The following NRXN3 variants were observed in gnomAD, a reference collection of about 807,000 sequenced individuals.
The protein encoded by NRXN3 is neurexin 3, also known as neurexin III.
Under a neutral mutation model 137.6 loss-of-function variants are expected in NRXN3, and 32 were observed. The ratio of observed to expected loss-of-function variants is 0.23; its 90% confidence interval spans 0.18 to 0.31. The LOEUF is 0.31. Among genes scored for constraint, NRXN3 ranks in the 10% least tolerant of loss-of-function variants. The pLI, the probability that NRXN3 is intolerant of heterozygous loss-of-function variation, is 1.00. For missense variants in NRXN3, 1,574 were observed against 2,062.5 expected, an observed-to-expected ratio of 0.76 and a Z score of 4.59; for synonymous variants, 798 against 784.5, an observed-to-expected ratio of 1.02 and a Z score of -0.29.
At chr14:78,738,030 C>A (rs979738805) in intron 8 of NRXN3, among the ~76,000 whole-genome samples, 12 of 152,102 alleles carry the variant, frequency 7.9e-5, no homozygotes, top group African/African-American at 2.9e-4. Context: ...TAATGGATTT[C>A]TTGATTTTAA....
At chr14:79,353,223 G>A (rs1286910316) in intron 15 of NRXN3, among the ~76,000 whole-genome samples, 1 of 151,764 alleles carries the variant, frequency 6.6e-6, no homozygotes, top group East Asian at 1.9e-4. Flanking sequence ...TTCCTAGCAG[G>A]TTAAGCACTT....
intron 19 of NRXN3, among the ~76,000 whole-genome samples, chr14:79,721,392 G>A (rs2098843936): frequency 6.6e-6 from 1 of 152,042 alleles, no homozygotes; most frequent in South Asian, 2.1e-4. Context: ...GAGGTACAAT[G>A]TTATTTTCAT....
chr14:78,442,384 A>G (rs1035597253), intron 4 of NRXN3, among the ~76,000 whole-genome samples: 2 of 152,208 alleles, frequency 1.3e-5, no homozygotes, highest in Non-Finnish European at 2.9e-5. Context: ...CCACAGGCCA[A>G]GGAATTCTGG....
At chr14:79,291,548 G>A (rs908774661) in intron 15 of NRXN3, among the ~76,000 whole-genome samples, 3 of 150,512 alleles carry the variant, frequency 2.0e-5, no homozygotes, top group East Asian at 4.0e-4. Flanking sequence ...AGGCAGACTC[G>A]GAGGCATGGA....
intron 8 of NRXN3, among the ~76,000 whole-genome samples, chr14:78,792,046 TAA>T (rs1484416387): frequency 6.7e-6 from 1 of 148,886 alleles, no homozygotes; most frequent in Non-Finnish European, 1.5e-5. Flanking sequence ...AACAGAACAA[TAA>T]AGTTAAAAAA....
chr14:78,993,694 A>G (rs2099523541), intron 15 of NRXN3, among the ~76,000 whole-genome samples: 1 of 152,180 alleles, frequency 6.6e-6, no homozygotes, highest in African/African-American at 2.4e-5. Flanking sequence ...GGAAAGACAC[A>G]TATGAAGGTG....
intron 16 of NRXN3, among the ~76,000 whole-genome samples, chr14:79,596,735 G>A (rs1044105686): frequency 2.0e-5 from 3 of 152,104 alleles, no homozygotes; most frequent in African/African-American, 4.8e-5. Flanking sequence ...CCTGTCTCTG[G>A]TCGGGGAGGG....
At chr14:79,299,147 G>C (rs1427938416) in intron 15 of NRXN3, among the ~76,000 whole-genome samples, 2 of 152,142 alleles carry the variant, frequency 1.3e-5, no homozygotes, top group Non-Finnish European at 2.9e-5. Flanking sequence ...TTTTAAGCCA[G>C]GGATTTACAA....
At chr14:78,365,793 T>C (rs1467271760) in intron 4 of NRXN3, among the ~76,000 whole-genome samples, 1 of 152,254 alleles carries the variant, frequency 6.6e-6, no homozygotes, top group Non-Finnish European at 1.5e-5. Context: ...ATCTATTATA[T>C]GCCAGGCACT....
intron 4 of NRXN3, among the ~76,000 whole-genome samples, chr14:78,360,054 A>G (rs1206590900): frequency 6.6e-6 from 1 of 152,138 alleles, no homozygotes; most frequent in African/African-American, 2.4e-5. Flanking sequence ...CACCAACTCC[A>G]TGTCGTCATA....
chr14:78,516,292 G>T (rs1398670012), intron 4 of NRXN3, among the ~76,000 whole-genome samples: 1 of 149,612 alleles, frequency 6.7e-6, no homozygotes, highest in Non-Finnish European at 1.5e-5. Flanking sequence ...TTTACCCCAG[G>T]TCTACCCCAT....
At chr14:79,687,245 CA>C (rs1467732199) in intron 17 of NRXN3, among the ~76,000 whole-genome samples, 3 of 152,142 alleles carry the variant, frequency 2.0e-5, no homozygotes, top group African/African-American at 7.2e-5. Flanking sequence ...TACAAGTGGC[CA>C]AACATTCTAG....
chr14:79,127,283 T>A (rs1488278633), intron 15 of NRXN3, among the ~76,000 whole-genome samples: 1 of 152,202 alleles, frequency 6.6e-6, no homozygotes, highest in Admixed American at 6.5e-5. Context: ...TACCTAGGTT[T>A]TCTTCTAGGG....
chr14:78,173,231 TTCTC>T (rs1258414991), intron 1 of NRXN3, among the ~76,000 whole-genome samples: 2 of 152,034 alleles, frequency 1.3e-5, no homozygotes, highest in Non-Finnish European at 2.9e-5. Flanking sequence ...GCACCCCCCT[TTCTC>T]TCGCTCCTGG....
intron 16 of NRXN3, among the ~76,000 whole-genome samples, chr14:79,600,544 AG>A (rs891326869): frequency 1.3e-5 from 2 of 152,216 alleles, no homozygotes; most frequent in East Asian, 3.8e-4. Flanking sequence ...CCTGGTTAAG[AG>A]GCAATAGAAA....
intron 15 of NRXN3, among the ~76,000 whole-genome samples, chr14:79,020,295 C>T (rs934921572): frequency 6.4e-5 from 9 of 140,034 alleles, no homozygotes; most frequent in Non-Finnish European, 9.3e-5. Flanking sequence ...GATGGATTTC[C>T]GCTCTTGTTG....
At chr14:79,676,219 G>A (rs545424915) in intron 17 of NRXN3, among the ~76,000 whole-genome samples, 13 of 152,042 alleles carry the variant, frequency 8.6e-5, no homozygotes, top group African/African-American at 3.1e-4. Context: ...TCATGCTATT[G>A]AGTTTTAGAG....
chr14:78,748,935 A>G (rs906705738), intron 8 of NRXN3, among the ~76,000 whole-genome samples: 1 of 152,246 alleles, frequency 6.6e-6, no homozygotes, highest in East Asian at 1.9e-4. Context: ...ACATCCGTGT[A>G]CAGCCTACTC....
Position 79,001,568 on chromosome 14 carries a change from C to A in NRXN3, c.3262+13427C>A, listed in dbSNP as rs537498828. On this transcript the variant is annotated intron_variant, in intron 15 of 20. Transcript: ENST00000335750. Reference sequence around the variant, plus strand: ...CTTTCTCCCTGGAAGGCGCTCTTCTCTGGATCTATACCCCTTTGGGGTTCA... The same window carrying A: ...CTTTCTCCCTGGAAGGCGCTCTTCTATGGATCTATACCCCTTTGGGGTTCA... 2.6e-5 allele frequency among the ~76,000 whole-genome samples: 4 copies of A among 152,352 alleles called. No individual in the cohort carries two copies. The East Asian group carries it at 7.7e-4, about 29-fold the overall frequency.
Sources: allele counts gnomAD v4.1 joint callset (sites outside exome capture counted in the v4.1 genomes callset), GRCh38; gene constraint gnomAD v4.1.1; transcripts MANE v1.5; gene names NCBI Gene and HGNC (gene_info 2026-07-23, HGNC 2026-07-21).